UTP18: variants seen among roughly 807,000 people sequenced by gnomAD.
The protein encoded by UTP18 is UTP18 small subunit processome component.
UTP18 carries 36 observed loss-of-function variants against 61.1 expected under a neutral mutation model. The observed-to-expected ratio is 0.59, with a 90% CI of 0.45 to 0.78. The LOEUF (loss-of-function observed/expected upper bound fraction) is 0.78. UTP18 is among the 30% of genes least tolerant of loss of function. The pLI is 0.00. For synonymous variants in UTP18, 282 were observed against 251.1 expected (o/e 1.12, Z -1.16); for missense variants, 753 against 693.9 (o/e 1.09, Z -0.96).
rs1341359543 is a variant in UTP18, at chr17:51,288,031, C to G, written c.1331C>G (p.Ser444Cys). 5 of 1,567,656 alleles carry G rather than the reference C, an allele frequency of 3.2e-6. No homozygotes were observed. The highest frequency in any genetic ancestry group is 2.3e-5 in the East Asian group (1 of 43,570). ...SRNGQYVACG[S>C]NCGVVNIYNQ... ...TTTTAATCCTTTTCTCTTTGTAGTT[C>G]TAATTGTGGAGTGGTAAATATATAC... Residue 444 changes from serine to cysteine, a missense_variant and splice_region_variant, in exon 11 of 14, where the codon TCT becomes TGT. Physicochemically the swap from Ser to Cys is moderately radical, Grantham distance 112. Coordinates refer to ENST00000225298, the MANE Select transcript of UTP18 (RefSeq NM_016001.3).
At chr17:51,276,281 C>A (rs1904719225) in intron 6 of UTP18, among the ~76,000 whole-genome samples, 2 of 152,188 alleles carry the variant, frequency 1.3e-5, no homozygotes, top group Non-Finnish European at 2.9e-5. Context: ...GCTCACCATC[C>A]CTTGCCCACT....
chr17:51,290,454 A>G (rs896975322), intron 11 of UTP18, among the ~76,000 whole-genome samples: 3 of 152,176 alleles, frequency 2.0e-5, no homozygotes, highest in Non-Finnish European at 4.4e-5. Flanking sequence ...TTTGCTGGAA[A>G]AAGAGTGTGA....
At chr17:51,266,932 C>T (rs1311782735) in intron 3 of UTP18, among the ~76,000 whole-genome samples, 2 of 152,136 alleles carry the variant, frequency 1.3e-5, no homozygotes, top group African/African-American at 4.8e-5. Context: ...TGTCATGGCT[C>T]ATTGCAACCT....
At chr17:51,264,597 GT>G (rs35246329) in intron 2 of UTP18, among the ~76,000 whole-genome samples, 8 of 102,024 alleles carry the variant, frequency 7.8e-5, no homozygotes, top group Admixed American at 3.9e-4. Context: ...TGGTTTATTT[GT>G]TTTTTTTTTC....
intron 2 of UTP18, among the ~76,000 whole-genome samples, chr17:51,265,754 G>C: frequency 6.6e-6 from 1 of 151,010 alleles, no homozygotes; most frequent in East Asian, 2.0e-4. Flanking sequence ...AGTAGAGATG[G>C]TGTTTCACCA....
intron 5 of UTP18, 142 bp downstream of exon 5, chr17:51,273,592 GTTA>G (rs1387502841): frequency 6.2e-6 from 3 of 480,328 alleles, no homozygotes; most frequent in Non-Finnish European, 1.0e-5. Flanking sequence ...AAATACTTAT[GTTA>G]TTGTTTTTTT....
chr17:51,288,996 C>A (rs997487048), intron 11 of UTP18, among the ~76,000 whole-genome samples: 3 of 152,132 alleles, frequency 2.0e-5, no homozygotes, highest in Admixed American at 1.3e-4. Context: ...TACCCTCTGC[C>A]TAGCATGTAC....
In UTP18 at chr17:51,281,165, T is replaced by TATATATATATA. The variant is rs1555555694; in HGVS notation, c.1204+686_1204+687insATATATATATA. On this transcript the variant is annotated intron_variant, in intron 9 of 13. Coordinates refer to ENST00000225298, the MANE Select transcript of UTP18 (RefSeq NM_016001.3). ...AAATATATATATATATATATATATA[T>TATATATATATA]TTTTTTTAAACGAAAAGTTGTGTTT... Among the ~76,000 whole-genome samples, 217 of 43,894 alleles carry TATATATATATA rather than the reference T, an allele frequency of 4.9e-3. 1 individual carries two copies. The highest frequency in any genetic ancestry group is 0.012 in the African/African-American group (196 of 16,830). The allele number at this position is 43,894 out of a possible 152,430, so 28.8% of individuals were successfully genotyped here. A position where few individuals can be genotyped will look rare whatever the true frequency, so the allele number is the denominator to read the frequency against.
intron 4 of UTP18, among the ~76,000 whole-genome samples, chr17:51,269,851 G>A (rs1325186939): frequency 6.6e-6 from 1 of 151,670 alleles, no homozygotes; most frequent in African/African-American, 2.4e-5. Flanking sequence ...GTGTGTGTGT[G>A]TGTGTGTGTG....
chr17:51,289,097 T>C (rs1905182424), intron 11 of UTP18, among the ~76,000 whole-genome samples: 1 of 152,184 alleles, frequency 6.6e-6, no homozygotes, highest in Non-Finnish European at 1.5e-5. Context: ...GCTACCCATA[T>C]CATTTAGGGA....
At chr17:51,279,188 C>T (rs1043339764) in intron 7 of UTP18, among the ~76,000 whole-genome samples, 5 of 152,172 alleles carry the variant, frequency 3.3e-5, no homozygotes, top group African/African-American at 1.2e-4. Flanking sequence ...TGAAAACTCT[C>T]TTCTGCTCTG....
rs143167506 is a variant in UTP18, at chr17:51,274,418, C to T, written c.711+968C>T. On this transcript the variant is annotated intron_variant, in intron 5 of 13. Transcript: ENST00000225298. ...AAATATCTGTCATATTAACAGATCT[C>T]TCTGTGACATAGATATCTTTTGTTT... 2.0e-5 allele frequency among the ~76,000 whole-genome samples: 3 copies of T among 152,252 alleles called. No individual in the cohort carries two copies. The East Asian group carries it at 5.8e-4, about 29-fold the overall frequency.
chr17:51,268,800 G>A, intron 3 of UTP18, 37 bp from the exon 4 acceptor site: 2 of 1,564,102 alleles, frequency 1.3e-6, no homozygotes, highest in Non-Finnish European at 1.8e-6. Flanking sequence ...ACATGTAGTG[G>A]TTGCCATAAA....
At chr17:51,273,525 TG>T in intron 5 of UTP18, 75 bp downstream of exon 5, 1 of 1,029,942 alleles carries the variant, frequency 9.7e-7, no homozygotes, top group Non-Finnish European at 1.4e-6. Context: ...CAGTAGCAGA[TG>T]TATGGATTCC....
At chr17:51,265,987 C>T (rs2055556750) in intron 2 of UTP18, among the ~76,000 whole-genome samples, 195 bp from the exon 3 acceptor site, 1 of 152,160 alleles carries the variant, frequency 6.6e-6, no homozygotes, top group South Asian at 2.1e-4. Flanking sequence ...AAGTGTAAAC[C>T]AGATGATCTG....
chr17:51,282,964 G>A (rs1379359260), intron 9 of UTP18, among the ~76,000 whole-genome samples: 1 of 146,024 alleles, frequency 6.8e-6, no homozygotes, highest in Non-Finnish European at 1.5e-5. Flanking sequence ...TGCCTCCCAA[G>A]TTCTAGCAAT....
chr17:51,285,540 G>A (rs771704842), intron 10 of UTP18, among the ~76,000 whole-genome samples, 172 bp downstream of exon 10: 1 of 152,014 alleles, frequency 6.6e-6, no homozygotes, highest in African/African-American at 2.4e-5. Flanking sequence ...GTGCAGTGTT[G>A]AATAATAATA....
chr17:51,294,615 T>A (rs981248892), intron 12 of UTP18, among the ~76,000 whole-genome samples: 38 of 152,160 alleles, frequency 2.5e-4, no homozygotes, highest in African/African-American at 8.9e-4. Context: ...GACATTTGAG[T>A]TGGTTCCAAG....
In UTP18 at chr17:51,280,372, A is replaced by T; in HGVS notation, c.1114-17A>T. 1 of 1,610,706 alleles carries T rather than the reference A, an allele frequency of 6.2e-7. No homozygotes were observed. Among genetic ancestry groups the T allele is most frequent in the African/African-American group, 1.3e-5 (1 of 74,886 alleles). ...TATACTTTCTAACAGTTTGATAAATAATATTTATTGTTTTAGACCAAAGAA... is the reference window on the plus strand; with the variant it reads ...TATACTTTCTAACAGTTTGATAAATTATATTTATTGTTTTAGACCAAAGAA... On this transcript the variant is annotated splice_polypyrimidine_tract_variant and intron_variant, in intron 8 of 13. Transcript: ENST00000225298.
Sources: allele counts gnomAD v4.1 joint callset (sites outside exome capture counted in the v4.1 genomes callset), GRCh38; gene constraint gnomAD v4.1.1; transcripts MANE v1.5; gene names NCBI Gene and HGNC (gene_info 2026-07-23, HGNC 2026-07-21).